CECR2: variants seen among roughly 807,000 people sequenced by gnomAD.
CECR2 encodes CECR2 histone acetyl-lysine reader, also known as chromatin remodeling regulator CECR2.
In CECR2, 30 loss-of-function variants were observed where a neutral mutation model predicts 154.5. That is an observed-to-expected ratio of 0.19 (90% CI 0.15 to 0.26). The LOEUF (loss-of-function observed/expected upper bound fraction) is 0.26, where lower values mean the gene tolerates loss of function less well. Ranked by LOEUF, CECR2 falls within the 10% of genes least tolerant of loss-of-function variation. The pLI, the probability that CECR2 is intolerant of heterozygous loss-of-function variation, is 1.00. For synonymous variants in CECR2, 725 were observed against 683.7 expected, an observed-to-expected ratio of 1.06 and a Z score of -0.94; for missense variants, 1,743 against 1,829.3, an observed-to-expected ratio of 0.95 and a Z score of 0.86.
intron 1 of CECR2, among the ~76,000 whole-genome samples, chr22:17,420,968 C>A (rs2054236926): frequency 6.6e-6 from 1 of 152,182 alleles, no homozygotes; most frequent in African/African-American, 2.4e-5. Flanking sequence ...CCTAATTCTT[C>A]CTCCCATCCC....
At chr22:17,449,158 T>C (rs5747155) in intron 1 of CECR2, among the ~76,000 whole-genome samples, 45,507 of 151,900 alleles carry the variant, frequency 0.3, 9,772 homozygotes, top group African/African-American at 0.58. Flanking sequence ...GAATTACAGG[T>C]GTGAACCACC....
chr22:17,465,730 G>T (rs1436653752), intron 1 of CECR2, among the ~76,000 whole-genome samples: 1 of 151,942 alleles, frequency 6.6e-6, no homozygotes. Context: ...TGATCCCCCC[G>T]CCTCAGCCTC....
At chr22:17,464,893 T>C (rs1486565311) in intron 1 of CECR2, among the ~76,000 whole-genome samples, 1 of 152,182 alleles carries the variant, frequency 6.6e-6, no homozygotes, top group Non-Finnish European at 1.5e-5. Flanking sequence ...CTGATAGTAT[T>C]TTCTGAAAAT....
intron 1 of CECR2, among the ~76,000 whole-genome samples, chr22:17,467,523 C>T (rs1330622705): frequency 2.0e-5 from 3 of 152,142 alleles, no homozygotes; most frequent in Admixed American, 6.6e-5. Flanking sequence ...GTGGCTCACA[C>T]CTGTAATCCC....
Position 17,443,757 on chromosome 22 carries a change from C to G in CECR2, c.127-33831C>G, listed in dbSNP as rs149240384. Among the ~76,000 whole-genome samples, 51 of 152,190 alleles carry G rather than the reference C, an allele frequency of 3.4e-4. 1 individual carries two copies. Among genetic ancestry groups the G allele is most frequent in the Middle Eastern group, 3.4e-3 (1 of 294 alleles). On this transcript the variant is annotated intron_variant, in intron 1 of 18. Transcript: ENST00000262608. ...TGCTTCCTGGTTTAGCCTACTTTAT[C>G]TTTTTAGGTTACTTACCAGATTCCA...
intron 1 of CECR2, among the ~76,000 whole-genome samples, chr22:17,398,974 A>G (rs1284170338): frequency 6.6e-6 from 1 of 152,208 alleles, no homozygotes; most frequent in Non-Finnish European, 1.5e-5. Flanking sequence ...TCAGACCAGC[A>G]TGGTGAGCAC....
chr22:17,413,343 T>C (rs1158895583), intron 1 of CECR2, among the ~76,000 whole-genome samples: 1 of 152,194 alleles, frequency 6.6e-6, no homozygotes, highest in Admixed American at 6.5e-5. Context: ...GCAAATACCC[T>C]GTAAGATCTG....
intron 6 of CECR2, among the ~76,000 whole-genome samples, chr22:17,503,897 A>C (rs560958917): frequency 4.2e-4 from 63 of 151,696 alleles, no homozygotes; most frequent in African/African-American, 1.4e-3. Flanking sequence ...AAATACAAAA[A>C]TTACCTGGGC....
chr22:17,487,619 G>A (rs1311705582), intron 2 of CECR2, among the ~76,000 whole-genome samples: 1 of 152,140 alleles, frequency 6.6e-6, no homozygotes, highest in Non-Finnish European at 1.5e-5. Flanking sequence ...GTGAACCCGG[G>A]AGGCAGAGCT....
At chr22:17,552,199 T>C (rs2056719491) in intron 18 of CECR2, 57 bp downstream of exon 18, 2 of 1,461,662 alleles carry the variant, frequency 1.4e-6, no homozygotes, top group African/African-American at 1.4e-5. Flanking sequence ...AGGAAGTAAG[T>C]ATATGACAAC....
At chr22:17,482,636 C>G (rs555464896) in intron 2 of CECR2, among the ~76,000 whole-genome samples, 1 of 151,974 alleles carries the variant, frequency 6.6e-6, no homozygotes, top group Non-Finnish European at 1.5e-5. Context: ...TGGTCTCAAA[C>G]GATCTTCCCA....
At chr22:17,447,033 C>CTGGTTTTTTTTTTTTTTTTT (rs1339121774) in intron 1 of CECR2, among the ~76,000 whole-genome samples, 1 of 114,110 alleles carries the variant, frequency 8.8e-6, no homozygotes, top group Non-Finnish European at 1.7e-5. Flanking sequence ...CGTTTACAAT[C>CTGGTTTTTTTTTTTTTTTTT]TTTTTTTTTT....
chr22:17,414,117 T>C (rs200736662), intron 1 of CECR2, among the ~76,000 whole-genome samples: 2,802 of 151,924 alleles, frequency 0.018, 39 homozygotes, highest in Non-Finnish European at 0.027. Flanking sequence ...GGACTACAGG[T>C]GCCTGCCACC....
At chr22:17,535,384 T>G (rs1309760929) in intron 9 of CECR2, among the ~76,000 whole-genome samples, 1 of 152,076 alleles carries the variant, frequency 6.6e-6, no homozygotes, top group Non-Finnish European at 1.5e-5. Context: ...CCTGATGAAG[T>G]TTACATATAT....
chr22:17,435,779 T>C (rs1569080963), intron 1 of CECR2, among the ~76,000 whole-genome samples: 1 of 150,990 alleles, frequency 6.6e-6, no homozygotes, highest in Non-Finnish European at 1.5e-5. Context: ...CCATCCCTTA[T>C]ACAGTGTCTC....
chr22:17,459,648 A>C lies in CECR2; in HGVS notation c.127-17940A>C, dbSNP rs111398490. 9.0e-3 allele frequency among the ~76,000 whole-genome samples: 1,368 copies of C among 152,258 alleles called. 18 individuals carry two copies. The highest frequency in any genetic ancestry group is 0.031 in the African/African-American group (1,284 of 41,546). On this transcript the variant is annotated intron_variant, in intron 1 of 18. Transcript: ENST00000262608. ...ATTTCATACTACCAAAAATACAGAG[A>C]AATAGAAAAAGAGAACAATGAAAGC...
chr22:17,392,743 A>G (rs1415782833), intron 1 of CECR2, among the ~76,000 whole-genome samples: 1 of 152,106 alleles, frequency 6.6e-6, no homozygotes, highest in African/African-American at 2.4e-5. Context: ...TCATTCATTT[A>G]AAGTGTTCAA....
chr22:17,478,191 A>G (rs2055242616), intron 2 of CECR2, among the ~76,000 whole-genome samples: 1 of 152,136 alleles, frequency 6.6e-6, no homozygotes, highest in Non-Finnish European at 1.5e-5. Flanking sequence ...TCTTTACTTA[A>G]TACACGTTTC....
chr22:17,495,645 G>C (rs2055611195), intron 2 of CECR2, among the ~76,000 whole-genome samples: 3 of 151,088 alleles, frequency 2.0e-5, no homozygotes, highest in Non-Finnish European at 4.4e-5. Flanking sequence ...GGTGGATCAT[G>C]AGGTCAGGAA....
Sources: allele counts gnomAD v4.1 joint callset (sites outside exome capture counted in the v4.1 genomes callset), GRCh38; gene constraint gnomAD v4.1.1; transcripts MANE v1.5; gene names NCBI Gene and HGNC (gene_info 2026-07-23, HGNC 2026-07-21).